SUPV3L1: variants seen among roughly 807,000 people sequenced by gnomAD.
SUPV3L1 encodes Suv3 like RNA helicase, also known as ATP-dependent RNA helicase SUPV3L1, mitochondrial.
A neutral mutation model predicts 70.0 loss-of-function variants in SUPV3L1; 35 were observed. That is an observed-to-expected ratio of 0.50 (90% confidence interval 0.38 to 0.66). The LOEUF (loss-of-function observed/expected upper bound fraction) is 0.66. Among genes scored for constraint, SUPV3L1 ranks in the 30% least tolerant of loss-of-function variants. The pLI, the probability that SUPV3L1 is intolerant of heterozygous loss-of-function variation, is 0.00. For synonymous variants in SUPV3L1, 364 were observed against 341.9 expected, an observed-to-expected ratio of 1.06 and a Z score of -0.71; for missense variants, 777 against 961.5, an observed-to-expected ratio of 0.81 and a Z score of 2.54.
At chr10:69,202,543 T>C (rs747482187) in intron 12 of SUPV3L1, 24 bp downstream of exon 12, 3 of 1,601,460 alleles carry the variant, frequency 1.9e-6, no homozygotes, top group Non-Finnish European at 2.6e-6. Context: ...CCCTTTCACA[T>C]CTCCCCTAAA....
At position 69,189,454 on chromosome 10, in the gene SUPV3L1, A is replaced by G. The variant is rs368688322; in HGVS notation, c.741+19A>G. On this transcript the variant is annotated intron_variant, in intron 5 of 14. Coordinates refer to ENST00000359655, the MANE Select transcript of SUPV3L1 (RefSeq NM_003171.5). ...TGCTGCTGTCAGTATATTACCAAATATTTGCTCATTTTTTTCTTAATTTTC... is the reference window on the plus strand; with the variant it reads ...TGCTGCTGTCAGTATATTACCAAATGTTTGCTCATTTTTTTCTTAATTTTC... 6.5e-7 allele frequency: 1 copy of G among 1,546,648 alleles called. No homozygotes were observed. Among genetic ancestry groups the G allele is most frequent in the Middle Eastern group, 1.7e-4 (1 of 5,754 alleles).
intron 10 of SUPV3L1, among the ~76,000 whole-genome samples, 182 bp from the exon 11 acceptor site, chr10:69,200,098 C>T (rs530368809): frequency 6.6e-4 from 100 of 152,270 alleles, no homozygotes; most frequent in Non-Finnish European, 1.2e-4. Context: ...CCTCCTGCCT[C>T]AGCCTCCCAA....
intron 2 of SUPV3L1, 57 bp downstream of exon 2, chr10:69,186,121 G>A (rs892485926): frequency 1.3e-6 from 2 of 1,483,398 alleles, no homozygotes; most frequent in African/African-American, 2.8e-5. Flanking sequence ...GTACAGCTTG[G>A]TCAGGACTGT....
chr10:69,199,015 A>G, intron 9 of SUPV3L1, 89 bp from the exon 10 acceptor site: 2 of 939,120 alleles, frequency 2.1e-6, no homozygotes, highest in Non-Finnish European at 3.3e-6. Flanking sequence ...AAATGGGAAG[A>G]ACAGGAGGTG....
chr10:69,185,267 A>G (rs774544017), intron 1 of SUPV3L1, among the ~76,000 whole-genome samples: 1 of 152,158 alleles, frequency 6.6e-6, no homozygotes, highest in Non-Finnish European at 1.5e-5. Flanking sequence ...CAAACTTAAC[A>G]TCAGCGTGGC....
rs555044309 is a variant in SUPV3L1 at position 69,208,900 on chromosome 10, C to G, written c.2226C>G (p.Leu742=). Residue 742 remains leucine (L), a synonymous_variant, in exon 15 of 15, where the codon CTC becomes CTG. Transcript: ENST00000359655. ...SLASRLVQQG[L]LTPDMLKQLE... ...CTTCCAGATTGGTGCAGCAAGGACT[C>G]CTCACTCCAGACATGCTGAAACAGC... The G allele has an allele frequency of 6.2e-7, 1 of 1,613,996 alleles. No homozygotes were observed. The highest frequency in any genetic ancestry group is 2.2e-5 in the East Asian group (1 of 44,896).
intron 11 of SUPV3L1, among the ~76,000 whole-genome samples, chr10:69,201,714 T>C (rs1401909715): frequency 6.6e-6 from 1 of 151,972 alleles, no homozygotes; most frequent in Non-Finnish European, 1.5e-5. Flanking sequence ...TTTTAAAAAT[T>C]TTTTGTAGAG....
In SUPV3L1 at chr10:69,208,962, A is replaced by G. The variant is rs1238798999; in HGVS notation, c.2288A>G (p.Asn763Ser). Reference protein sequence around the residue: ...KEWMTQQTEHNKEKTESGTHP... With the variant: ...KEWMTQQTEHSKEKTESGTHP... ...TGGATGACACAACAAACTGAACACA[A>G]CAAAGAAAAAACAGAGTCTGGGACT... Residue 763 changes from asparagine to serine, a missense_variant, in exon 15 of 15, where the codon AAC becomes AGC. By Grantham distance (46) the Asn-to-Ser change is conservative (BLOSUM62 1). Around this residue, in one of 2 missense-constraint regions of SUPV3L1, gnomAD observed 619 missense variants for 823.3 expected, o/e 0.75. Coordinates refer to ENST00000359655, the MANE Select transcript of SUPV3L1 (RefSeq NM_003171.5). 1.9e-6 allele frequency: 3 copies of G among 1,614,206 alleles called. No individual in the cohort carries two copies. The highest frequency in any genetic ancestry group is 1.7e-6 in the Non-Finnish European group (2 of 1,180,028).
chr10:69,184,616 T>TACACACACACACACACACACACAC (rs59328806), intron 1 of SUPV3L1, among the ~76,000 whole-genome samples: 53 of 146,160 alleles, frequency 3.6e-4, no homozygotes, highest in African/African-American at 1.0e-3. Flanking sequence ...GAAATATAAA[T>TACACACACACACACACACACACAC]ACACACACAC....
At chr10:69,198,640 T>G in intron 9 of SUPV3L1, 88 bp downstream of exon 9, 1 of 1,312,984 alleles carries the variant, frequency 7.6e-7, no homozygotes, top group Non-Finnish European at 1.1e-6. Context: ...TGGTAAACAA[T>G]ATTGAATTAA....
intron 1 of SUPV3L1, chr10:69,182,371 T>C (rs1386706406): frequency 6.2e-6 from 2 of 322,904 alleles, no homozygotes; most frequent in East Asian, 1.7e-4. Flanking sequence ...TGAGAACTTT[T>C]TCATCTTGCA....
chr10:69,195,447 T>C (rs1373829457), intron 7 of SUPV3L1, 182 bp downstream of exon 7: 1 of 413,836 alleles, frequency 2.4e-6, no homozygotes. Flanking sequence ...AAATCTATTT[T>C]TTCCTGTGCT....
At position 69,191,780 on chromosome 10, in the gene SUPV3L1, G is replaced by A. The variant is rs1005079987; in HGVS notation, c.853+14G>A. The A allele has an allele frequency of 6.5e-7, 1 of 1,543,910 alleles. No individual in the cohort carries two copies. Among genetic ancestry groups the A allele is most frequent in the African/African-American group, 1.4e-5 (1 of 72,536 alleles). On this transcript the variant is annotated intron_variant, in intron 6 of 14. Transcript: ENST00000359655. The stretch of plus-strand genomic sequence containing the variant: ...TTACAACTCCTTGTATGTATATGCT[G>A]TTTAAGAAACTATGGTTTGGTATTT...
At chr10:69,206,493 A>T (rs1477128070) in intron 13 of SUPV3L1, among the ~76,000 whole-genome samples, 1 of 152,150 alleles carries the variant, frequency 6.6e-6, no homozygotes. Flanking sequence ...AGTACAGGTG[A>T]TGTATAATAT....
chr10:69,186,028 GAA>G lies in SUPV3L1; in HGVS notation c.315_316del (p.Glu105AspfsTer7). 2 of 1,613,906 alleles carry G rather than the reference GAA, an allele frequency of 1.2e-6. No individual in the cohort carries two copies. Among genetic ancestry groups the G allele is most frequent in the Non-Finnish European group, 1.7e-6 (2 of 1,179,916 alleles). ...CTTAGACAAATTTTACAAGAGGAAAGAAATTCAGAAACTGGGTGCTGATTATG... is the reference window on the plus strand; with the variant it reads ...CTTAGACAAATTTTACAAGAGGAAAGATTCAGAAACTGGGTGCTGATTATG... ...KVLDKFYKRKEIQKLGADYGL... is the reference protein window; with the variant it reads ...KVLDKFYKRKXIQKLGADYGL... On this transcript the variant is annotated frameshift_variant, in exon 2 of 15. Coordinates refer to ENST00000359655, the MANE Select transcript of SUPV3L1 (RefSeq NM_003171.5). LOFTEE classifies it high-confidence loss of function.
chr10:69,186,430 T>G lies in SUPV3L1; in HGVS notation c.350-13T>G. The stretch of plus-strand genomic sequence containing the variant: ...AACTACACCTTACATCTTTTCATTT[T>G]GTGTTTCTACAGCTCGTCTCTTCCA... On this transcript the variant is annotated splice_polypyrimidine_tract_variant and intron_variant, in intron 2 of 14. Coordinates refer to ENST00000359655, the MANE Select transcript of SUPV3L1 (RefSeq NM_003171.5). The G allele has an allele frequency of 2.5e-6, 4 of 1,597,008 alleles. No homozygotes were observed. The highest frequency in any genetic ancestry group is 3.4e-6 in the Non-Finnish European group (4 of 1,164,610).
At chr10:69,201,230 C>G (rs541589315) in intron 11 of SUPV3L1, among the ~76,000 whole-genome samples, 1 of 152,138 alleles carries the variant, frequency 6.6e-6, no homozygotes, top group African/African-American at 2.4e-5. Flanking sequence ...ATGTCTTGGA[C>G]TCTTCTTCCC....
chr10:69,202,973 G>T lies in SUPV3L1; in HGVS notation c.1706G>T (p.Arg569Leu), dbSNP rs748585973. Reference sequence around the variant, plus strand: ...ATCCAGCATATTCCACTAAGTCTGCGAGTGAGGTATGTTTTCTGCACAGCT... The same window carrying T: ...ATCCAGCATATTCCACTAAGTCTGCTAGTGAGGTATGTTTTCTGCACAGCT... ...ELIQHIPLSLRVRYVFCTAPI... is the reference protein window; with the variant it reads ...ELIQHIPLSLLVRYVFCTAPI... Residue 569 changes from arginine to leucine, a missense_variant, in exon 13 of 15, where the codon CGA (arginine) becomes CTA (leucine). Transcript: ENST00000359655. The T allele has an allele frequency of 1.9e-6, 3 of 1,614,110 alleles. No individual in the cohort carries two copies. The highest frequency in any genetic ancestry group is 2.5e-6 in the Non-Finnish European group (3 of 1,180,016).
chr10:69,205,195 G>T (rs1842791684), intron 13 of SUPV3L1, among the ~76,000 whole-genome samples: 1 of 152,172 alleles, frequency 6.6e-6, no homozygotes, highest in Admixed American at 6.5e-5. Context: ...GCTGGCATTT[G>T]TGAAAAACTT....
Sources: allele counts gnomAD v4.1 joint callset (sites outside exome capture counted in the v4.1 genomes callset), GRCh38; gene constraint gnomAD v4.1.1; regional missense constraint gnomAD v4.1.1; transcripts MANE v1.5; gene names NCBI Gene and HGNC (gene_info 2026-07-23, HGNC 2026-07-21).